Variants in CSNK1G1 observed in about 807,000 individuals in gnomAD.
The protein encoded by CSNK1G1 is casein kinase I isoform gamma-1.
In CSNK1G1, 22 loss-of-function variants were observed where a neutral mutation model predicts 59.6. That is an observed-to-expected ratio of 0.37 (90% CI 0.26 to 0.53). The LOEUF (loss-of-function observed/expected upper bound fraction) is 0.53. Among genes scored for constraint, CSNK1G1 ranks in the 20% least tolerant of loss-of-function variants. CSNK1G1 has a pLI of 0.89. For synonymous variants in CSNK1G1, 179 were observed against 177.1 expected (o/e 1.01, Z -0.08); for missense variants, 384 against 519.5 (o/e 0.74, Z 2.54).
intron 1 of CSNK1G1, among the ~76,000 whole-genome samples, chr15:64,352,967 T>C (rs1398445545): frequency 3.3e-5 from 5 of 152,030 alleles, no homozygotes; most frequent in Non-Finnish European, 7.4e-5. Context: ...CACACGCCTG[T>C]AGTTCCAGCT....
intron 2 of CSNK1G1, among the ~76,000 whole-genome samples, chr15:64,272,872 C>A (rs1015915313): frequency 6.6e-6 from 1 of 151,890 alleles, no homozygotes; most frequent in Non-Finnish European, 1.5e-5. Context: ...ACCACCACAT[C>A]CAGCTAATTT....
At chr15:64,265,326 A>T (rs567629968) in intron 2 of CSNK1G1, among the ~76,000 whole-genome samples, 2 of 152,330 alleles carry the variant, frequency 1.3e-5, no homozygotes, top group Non-Finnish European at 2.9e-5. Context: ...CATAGCTCCC[A>T]TAAGTCCCAT....
chr15:64,284,062 C>A (rs1894282643), intron 2 of CSNK1G1, among the ~76,000 whole-genome samples: 1 of 151,978 alleles, frequency 6.6e-6, no homozygotes, highest in South Asian at 2.1e-4. Context: ...TTGTGGCTAT[C>A]CAGTTGTCCC....
chr15:64,247,712 T>C (rs1891832477), intron 4 of CSNK1G1, among the ~76,000 whole-genome samples: 1 of 152,188 alleles, frequency 6.6e-6, no homozygotes, highest in Non-Finnish European at 1.5e-5. Flanking sequence ...CTAGATCAGG[T>C]CATCAATGTG....
At chr15:64,248,846 C>T (rs530737852) in intron 4 of CSNK1G1, among the ~76,000 whole-genome samples, 89 of 151,222 alleles carry the variant, frequency 5.9e-4, no homozygotes, top group African/African-American at 2.1e-3. Flanking sequence ...ATTGGCCAGG[C>T]GTGGTGGCTC....
At position 64,323,612 on chromosome 15, in the gene CSNK1G1, G is replaced by A. The variant is rs565364347; in HGVS notation, c.-224-22889C>T. ...ACTCCTGACCTCAGGTGATCCACCCGCCTCGGCCTCCCAAAGTGCTGGGAT... is the reference window on the plus strand; with the variant it reads ...ACTCCTGACCTCAGGTGATCCACCCACCTCGGCCTCCCAAAGTGCTGGGAT... On this transcript the variant is annotated intron_variant, in intron 1 of 11. Coordinates refer to ENST00000303052, the MANE Select transcript of CSNK1G1 (RefSeq NM_022048.5). Among the ~76,000 whole-genome samples, 237 of 152,130 alleles carry A rather than the reference G, an allele frequency of 1.6e-3. 1 individual carries two copies. Among genetic ancestry groups the A allele is most frequent in the African/African-American group, 5.5e-3 (229 of 41,504 alleles).
At chr15:64,339,469 C>T (rs1419089912) in intron 1 of CSNK1G1, among the ~76,000 whole-genome samples, 6 of 152,098 alleles carry the variant, frequency 3.9e-5, no homozygotes, top group South Asian at 2.1e-4. Context: ...CCCACCACCA[C>T]GCCCGGCTAA....
At chr15:64,186,156 G>C (rs1191319908) in intron 10 of CSNK1G1, among the ~76,000 whole-genome samples, 1 of 152,022 alleles carries the variant, frequency 6.6e-6, no homozygotes, top group Non-Finnish European at 1.5e-5. Flanking sequence ...GCCCAGGCTG[G>C]AGTGCAGGGG....
At chr15:64,312,385 T>A (rs577882556) in intron 1 of CSNK1G1, among the ~76,000 whole-genome samples, 1 of 152,234 alleles carries the variant, frequency 6.6e-6, no homozygotes, top group African/African-American at 2.4e-5. Context: ...CAAAACAGCA[T>A]GGTACTGGGA....
At chr15:64,189,919 C>T (rs1207335662) in intron 10 of CSNK1G1, among the ~76,000 whole-genome samples, 7 of 151,344 alleles carry the variant, frequency 4.6e-5, no homozygotes, top group African/African-American at 1.2e-4. Flanking sequence ...CCCAGGTTCA[C>T]GCCACTCTTC....
At chr15:64,354,143 A>C (rs1898497156) in intron 1 of CSNK1G1, among the ~76,000 whole-genome samples, 1 of 152,090 alleles carries the variant, frequency 6.6e-6, no homozygotes, top group Admixed American at 6.6e-5. Context: ...CTCTCTACTA[A>C]AAATACAAAA....
intron 1 of CSNK1G1, among the ~76,000 whole-genome samples, chr15:64,301,832 A>G (rs1230828881): frequency 6.6e-6 from 1 of 152,150 alleles, no homozygotes; most frequent in African/African-American, 2.4e-5. Flanking sequence ...GGTGGCAGTG[A>G]GCCGAGCTCG....
intron 1 of CSNK1G1, among the ~76,000 whole-genome samples, chr15:64,317,251 G>A (rs1049181105): frequency 2.0e-5 from 3 of 152,104 alleles, no homozygotes; most frequent in African/African-American, 7.2e-5. Context: ...ACTACGCCCG[G>A]CTAATTTTTC....
intron 1 of CSNK1G1, among the ~76,000 whole-genome samples, chr15:64,345,221 T>C (rs536710880): frequency 6.6e-6 from 1 of 152,336 alleles, no homozygotes; most frequent in African/African-American, 2.4e-5. Flanking sequence ...TCAGGCTACA[T>C]GAGAATAAAA....
At chr15:64,238,162 G>T (rs2082640430) in intron 4 of CSNK1G1, among the ~76,000 whole-genome samples, 1 of 152,010 alleles carries the variant, frequency 6.6e-6, no homozygotes, top group African/African-American at 2.4e-5. Context: ...CTTTGCCCCA[G>T]TTAAAAGCTT....
chr15:64,246,638 AAG>A (rs746196048), intron 4 of CSNK1G1, among the ~76,000 whole-genome samples: 8,585 of 109,878 alleles, frequency 0.078, 323 homozygotes, highest in South Asian at 0.14. Flanking sequence ...AAAAAAAAAA[AAG>A]GGGGGGGGGG....
At chr15:64,290,336 C>T (rs1046862841) in intron 2 of CSNK1G1, among the ~76,000 whole-genome samples, 1 of 150,128 alleles carries the variant, frequency 6.7e-6, no homozygotes, top group Admixed American at 6.6e-5. Context: ...CACATACACA[C>T]ACACATTTTA....
chr15:64,220,096 CTTTTTTTT>C (rs113389447), intron 4 of CSNK1G1, among the ~76,000 whole-genome samples: 1 of 136,658 alleles, frequency 7.3e-6, no homozygotes. Flanking sequence ...AATAACATAA[CTTTTTTTT>C]TTTTTTTTGA....
At chr15:64,277,960 A>G in intron 2 of CSNK1G1, among the ~76,000 whole-genome samples, 1 of 145,654 alleles carries the variant, frequency 6.9e-6, no homozygotes, top group East Asian at 2.0e-4. Context: ...GATATAGTTG[A>G]ATAATATATT....
Sources: allele counts gnomAD v4.1 joint callset (sites outside exome capture counted in the v4.1 genomes callset), GRCh38; gene constraint gnomAD v4.1.1; transcripts MANE v1.5; gene names NCBI Gene and HGNC (gene_info 2026-07-23, HGNC 2026-07-21).